DNAJB6: variants seen among roughly 807,000 people sequenced by gnomAD.
The protein encoded by DNAJB6 is DnaJ heat shock protein family (Hsp40) member B6.
In DNAJB6, 16 loss-of-function variants were observed where a neutral mutation model predicts 42.7. The observed-to-expected ratio is 0.37, with a 90% CI of 0.25 to 0.57. The LOEUF is 0.57. DNAJB6 is among the 20% of genes least tolerant of loss of function. The pLI is 0.74. For synonymous variants in DNAJB6, 170 were observed against 163.5 expected (o/e 1.04, Z -0.30); for missense variants, 347 against 416.8 (o/e 0.83, Z 1.46).
intron 8 of DNAJB6, 49 bp from the exon 9 acceptor site, chr7:157,409,746 C>G (rs1408869313): frequency 1.4e-6 from 2 of 1,474,056 alleles, no homozygotes; most frequent in South Asian, 2.7e-5. Context: ...GGATGGGGGC[C>G]GGCCGCCGCC....
rs184291732 is a variant in DNAJB6, at chr7:157,369,852, C to T, written c.346+2369C>T. On this transcript the variant is annotated intron_variant, in intron 5 of 9. Transcript: ENST00000262177. ...GGCCTTTCATAACGTTATTATTAAA[C>T]GGGCCCCTTCTTCACATTATTATTA... 1.5e-3 allele frequency among the ~76,000 whole-genome samples: 225 copies of T among 145,284 alleles called. 3 individuals are homozygous for T. The highest frequency in any genetic ancestry group is 3.5e-3 in the Admixed American group (51 of 14,664).
At chr7:157,404,478 T>C (rs1795676569) in intron 8 of DNAJB6, among the ~76,000 whole-genome samples, 1 of 150,682 alleles carries the variant, frequency 6.6e-6, no homozygotes, top group South Asian at 2.1e-4. Context: ...TTTTTTTTTT[T>C]TTTTTTTGAT....
chr7:157,346,931 C>CT (rs913521222), intron 1 of DNAJB6, among the ~76,000 whole-genome samples: 47 of 152,216 alleles, frequency 3.1e-4, no homozygotes, highest in African/African-American at 1.1e-3. Context: ...TCTCGGCGCA[C>CT]TGCAAGCTCC....
At position 157,372,340 on chromosome 7, in the gene DNAJB6, GC is replaced by G. The variant is rs1360186502; in HGVS notation, c.346+4860del. 2.6e-5 allele frequency: 4 copies of G among 153,156 alleles called. No homozygotes were observed. In the East Asian group the frequency reaches 7.7e-4, roughly 30 times the overall value. 9.5% of individuals were successfully genotyped at this position (153,156 alleles called of 1,614,324 possible). ...CAGGATGTAACTGGGGCCTGGGCGAGCCCTTCAGCGAGGAGCTGGGGCTCAT... is the reference window on the plus strand; with the variant it reads ...CAGGATGTAACTGGGGCCTGGGCGAGCCTTCAGCGAGGAGCTGGGGCTCAT... On this transcript the variant is annotated intron_variant, in intron 5 of 9. Transcript: ENST00000262177.
At chr7:157,363,085 G>A in intron 2 of DNAJB6, 76 bp from the exon 3 acceptor site, 1 of 1,005,054 alleles carries the variant, frequency 9.9e-7, no homozygotes, top group South Asian at 1.5e-5. Context: ...CATTCTCGTG[G>A]TTAATGATGT....
At chr7:157,346,666 T>C (rs188700141) in intron 1 of DNAJB6, among the ~76,000 whole-genome samples, 3 of 152,264 alleles carry the variant, frequency 2.0e-5, no homozygotes, top group Admixed American at 2.0e-4. Flanking sequence ...ATAAAAAAAT[T>C]TGAATGCAGG....
chr7:157,349,623 T>C (rs1300209204), intron 1 of DNAJB6, among the ~76,000 whole-genome samples: 1 of 151,936 alleles, frequency 6.6e-6, no homozygotes, highest in African/African-American at 2.4e-5. Flanking sequence ...GCTGGGACCA[T>C]GCGCTGTGCC....
At chr7:157,348,496 C>A (rs1181344501) in intron 1 of DNAJB6, among the ~76,000 whole-genome samples, 3 of 152,158 alleles carry the variant, frequency 2.0e-5, no homozygotes, top group Non-Finnish European at 2.9e-5. Flanking sequence ...AGTTTTCTTG[C>A]CTTGGAGAAG....
intron 8 of DNAJB6, among the ~76,000 whole-genome samples, chr7:157,406,305 CCACCTT>C (rs1450479159): frequency 6.6e-6 from 1 of 152,234 alleles, no homozygotes; most frequent in Non-Finnish European, 1.5e-5. Context: ...GTCCACATCT[CCACCTT>C]CATCTTCTTT....
intron 1 of DNAJB6, among the ~76,000 whole-genome samples, chr7:157,347,503 G>A (rs1436079619): frequency 6.6e-6 from 1 of 152,110 alleles, no homozygotes; most frequent in East Asian, 1.9e-4. Context: ...GACTGTGCTC[G>A]GCTCAGACTT....
chr7:157,383,603 ATGTGTGTT>A (rs1486112134), intron 6 of DNAJB6, among the ~76,000 whole-genome samples: 124 of 93,956 alleles, frequency 1.3e-3, no homozygotes, highest in Admixed American at 7.3e-3. Context: ...TGGCTCCTGT[ATGTGTGTT>A]TGTGTGTGTG....
intron 8 of DNAJB6, among the ~76,000 whole-genome samples, chr7:157,405,511 A>G (rs964957164): frequency 6.6e-6 from 1 of 152,018 alleles, no homozygotes; most frequent in Non-Finnish European, 1.5e-5. Context: ...GTTTCCAAGA[A>G]CACCTGCCTT....
chr7:157,404,301 C>CTT (rs546330523), intron 8 of DNAJB6, among the ~76,000 whole-genome samples: 2 of 144,440 alleles, frequency 1.4e-5, no homozygotes, highest in African/African-American at 5.1e-5. Context: ...TTTTCTTTTT[C>CTT]TTTTTTTGAG....
rs1045521895 is a variant in DNAJB6, at chr7:157,344,551, C to G, written c.-27+7407C>G. 5.9e-5 allele frequency among the ~76,000 whole-genome samples: 9 copies of G among 151,796 alleles called. No individual in the cohort carries two copies. The South Asian group carries it at 6.2e-4, about 10-fold the overall frequency. ...AGTTAATTTTGTAGTTAGAGAATATCTTCCTGCTCTACGCAAATTCCCTTC... is the reference window on the plus strand; with the variant it reads ...AGTTAATTTTGTAGTTAGAGAATATGTTCCTGCTCTACGCAAATTCCCTTC... On this transcript the variant is annotated intron_variant, in intron 1 of 9. Coordinates refer to ENST00000262177, the MANE Select transcript of DNAJB6 (RefSeq NM_058246.4).
chr7:157,358,977 C>T (rs1799445328), intron 2 of DNAJB6, among the ~76,000 whole-genome samples: 3 of 152,188 alleles, frequency 2.0e-5, no homozygotes, highest in Admixed American at 2.0e-4. Context: ...GAGTACATAG[C>T]ACTCAAATTT....
At chr7:157,386,362 C>G in intron 8 of DNAJB6, 2 of 970,122 alleles carry the variant, frequency 2.1e-6, no homozygotes, top group Non-Finnish European at 2.5e-6. Context: ...GCCTGGGCTT[C>G]TAGTGTCACT....
At chr7:157,411,946 A>G (rs986289561) in intron 9 of DNAJB6, 12 of 152,230 alleles carry the variant, frequency 7.9e-5, no homozygotes, top group African/African-American at 2.7e-4. Context: ...AAATCCTTAG[A>G]GCAAAGAGGC....
intron 9 of DNAJB6, 124 bp from the exon 10 acceptor site, chr7:157,415,892 G>C: frequency 1.9e-6 from 3 of 1,561,354 alleles, no homozygotes; most frequent in Non-Finnish European, 2.6e-6. Context: ...CTGTGGCCAA[G>C]ATAGATGACT....
chr7:157,369,050 C>G (rs1466244694), intron 5 of DNAJB6: 2 of 360,810 alleles, frequency 5.5e-6, no homozygotes, highest in Non-Finnish European at 1.1e-5. Flanking sequence ...TGAAGAGAGC[C>G]CCTTTCTGAG....
Sources: allele counts gnomAD v4.1 joint callset (sites outside exome capture counted in the v4.1 genomes callset), GRCh38; gene constraint gnomAD v4.1.1; transcripts MANE v1.5; gene names NCBI Gene and HGNC (gene_info 2026-07-23, HGNC 2026-07-21).